SYNE2: variants seen among roughly 807,000 people sequenced by gnomAD.
SYNE2 encodes the protein nesprin-2.
SYNE2 carries 431 observed loss-of-function variants against 856.3 expected under a neutral mutation model. The observed-to-expected ratio is 0.50, with a 90% CI of 0.47 to 0.55. The LOEUF is 0.55. SYNE2 is among the 20% of genes least tolerant of loss of function. The pLI is 0.00. For missense variants in SYNE2, 8,129 were observed against 8,023.2 expected, an observed-to-expected ratio of 1.01 and a Z score of -0.50; for synonymous variants, 2,923 against 2,872.3, an observed-to-expected ratio of 1.02 and a Z score of -0.56.
In SYNE2 at chr14:64,170,452, A is replaced by G. The variant is rs752227568; in HGVS notation, c.17225A>G (p.His5742Arg). Residue 5742 changes from histidine (H) to arginine (R), a missense_variant, in exon 94 of 116, where the codon CAT becomes CGT. Coordinates refer to ENST00000555002, the MANE Select transcript of SYNE2 (RefSeq NM_182914.3). ...CTCTACCAAACCAGAAGTCTGATCCATGAGCTGAAGGTAGTGTATGCATCG... is the reference window on the plus strand; with the variant it reads ...CTCTACCAAACCAGAAGTCTGATCCGTGAGCTGAAGGTAGTGTATGCATCG... ...FSLYQTRSLI[H>R]ELKNKEIHFQ... The G allele has an allele frequency of 2.5e-6, 4 of 1,611,084 alleles. No individual in the cohort carries two copies. The East Asian group carries it at 6.7e-5, about 27-fold the overall frequency.
intron 11 of SYNE2, among the ~76,000 whole-genome samples, chr14:63,973,440 T>C (rs1209401350): frequency 6.6e-6 from 1 of 151,868 alleles, no homozygotes; most frequent in Non-Finnish European, 1.5e-5. Context: ...GAGACCAGCC[T>C]GGTCAACATG....
chr14:64,008,454 G>A (rs1056413985), intron 31 of SYNE2, among the ~76,000 whole-genome samples: 3 of 152,232 alleles, frequency 2.0e-5, no homozygotes, highest in African/African-American at 7.2e-5. Context: ...GTTTCCTGCA[G>A]AGTTGGGGCT....
rs183118239 is a variant in SYNE2, at chr14:64,042,116, A to C, written c.7222-5884A>C. 6.8e-3 allele frequency among the ~76,000 whole-genome samples: 1,030 copies of C among 152,320 alleles called. 10 individuals are homozygous for C. Among genetic ancestry groups the C allele is most frequent in the South Asian group, 0.012 (57 of 4,826 alleles). ...ATATTGTTTTCCACAGTAGTCTAAC[A>C]GATGAAAAATTCATTTTCATTCATT... On this transcript the variant is annotated intron_variant, in intron 45 of 115. Coordinates refer to ENST00000555002, the MANE Select transcript of SYNE2 (RefSeq NM_182914.3).
intron 70 of SYNE2, among the ~76,000 whole-genome samples, 165 bp from the exon 71 acceptor site, chr14:64,124,914 A>T (rs1175872625): frequency 6.6e-6 from 1 of 152,180 alleles, no homozygotes; most frequent in African/African-American, 2.4e-5. Flanking sequence ...GAGGTAGGAG[A>T]ATCTCTTGAA....
At chr14:64,106,175 CAGTCT>C (rs2097770550) in intron 64 of SYNE2, among the ~76,000 whole-genome samples, 1 of 140,470 alleles carries the variant, frequency 7.1e-6, no homozygotes, top group Non-Finnish European at 1.6e-5. Context: ...TTGATATTGT[CAGTCT>C]TAGCCAAACT....
At chr14:63,953,608 AT>A (rs1264516995) in intron 7 of SYNE2, among the ~76,000 whole-genome samples, 5 of 152,140 alleles carry the variant, frequency 3.3e-5, no homozygotes, top group Non-Finnish European at 7.3e-5. Flanking sequence ...ATAACTTAAA[AT>A]CTGCCACTTT....
rs1426475777 is a variant in SYNE2, at chr14:64,166,162, CTG to C, written c.16605+755_16605+756del. ...ATAACTTAGATCAGCAGTCAACAAA[CTG>C]TGGTGCACTGTCCATCACTGATTTT... On this transcript the variant is annotated intron_variant, in intron 90 of 115. Transcript: ENST00000555002. Among the ~76,000 whole-genome samples, 5 of 152,312 alleles carry C rather than the reference CTG, an allele frequency of 3.3e-5. No individual in the cohort carries two copies. The South Asian group carries it at 6.2e-4, about 19-fold the overall frequency.
At chr14:64,155,626 G>A (rs61987291) in intron 85 of SYNE2, among the ~76,000 whole-genome samples, 3,416 of 151,428 alleles carry the variant, frequency 0.023, 45 homozygotes, top group African/African-American at 0.038. Context: ...CCATCTATAA[G>A]CTGTCAAGAG....
At chr14:63,809,593 A>G (rs1888534060) in intron 1 of SYNE2, among the ~76,000 whole-genome samples, 1 of 152,084 alleles carries the variant, frequency 6.6e-6, no homozygotes, top group Non-Finnish European at 1.5e-5. Context: ...CCAGCACTCC[A>G]GGCTCCAGCG....
At chr14:64,022,662 G>T in intron 37 of SYNE2, 89 bp from the exon 38 acceptor site, 1 of 761,432 alleles carries the variant, frequency 1.3e-6, no homozygotes, top group South Asian at 1.5e-5. Flanking sequence ...TATATCTATG[G>T]CATGGGAAAC....
chr14:63,797,732 A>G (rs1464474168), intron 1 of SYNE2, among the ~76,000 whole-genome samples: 1 of 152,186 alleles, frequency 6.6e-6, no homozygotes, highest in Admixed American at 6.5e-5. Flanking sequence ...GTGAGCCACC[A>G]CGCCCAGCCA....
chr14:63,946,307 G>T (rs2096026070), intron 6 of SYNE2, among the ~76,000 whole-genome samples: 1 of 151,684 alleles, frequency 6.6e-6, no homozygotes, highest in Non-Finnish European at 1.5e-5. Flanking sequence ...ACCTGCCTGT[G>T]GTCCCAGCTT....
intron 80 of SYNE2, among the ~76,000 whole-genome samples, chr14:64,140,896 GTTTT>G (rs368961338): frequency 3.4e-5 from 5 of 146,888 alleles, no homozygotes; most frequent in African/African-American, 1.2e-4. Flanking sequence ...GACTTTTCCT[GTTTT>G]TTTTTTATTT....
chr14:64,042,696 C>T (rs773217648), intron 45 of SYNE2, among the ~76,000 whole-genome samples: 44 of 152,194 alleles, frequency 2.9e-4, no homozygotes, highest in Non-Finnish European at 5.9e-4. Flanking sequence ...TTTATTCCTC[C>T]TTGCCTTACA....
At chr14:63,777,168 G>A (rs1049796494) in intron 1 of SYNE2, among the ~76,000 whole-genome samples, 2 of 152,118 alleles carry the variant, frequency 1.3e-5, no homozygotes, top group Admixed American at 1.3e-4. Flanking sequence ...ATATTATGAG[G>A]CTTTTAATGA....
chr14:63,961,811 C>G (rs895431025), intron 9 of SYNE2, among the ~76,000 whole-genome samples, 186 bp downstream of exon 9: 1 of 151,966 alleles, frequency 6.6e-6, no homozygotes, highest in African/African-American at 2.4e-5. Flanking sequence ...CCACTGGGCA[C>G]CTTTTCTGTC....
intron 99 of SYNE2, chr14:64,202,240 C>T (rs1440316555): frequency 4.3e-6 from 3 of 702,378 alleles, no homozygotes; most frequent in Non-Finnish European, 7.8e-6. Context: ...ATGTATACGG[C>T]TGGGTGAACC....
At chr14:63,891,806 G>A (rs1375783318) in intron 1 of SYNE2, among the ~76,000 whole-genome samples, 2 of 152,022 alleles carry the variant, frequency 1.3e-5, no homozygotes, top group Non-Finnish European at 2.9e-5. Context: ...AATGGGTCCC[G>A]GCCAAGCAGC....
chr14:63,770,628 T>G (rs1886865204), intron 1 of SYNE2, among the ~76,000 whole-genome samples: 1 of 152,020 alleles, frequency 6.6e-6, no homozygotes, highest in African/African-American at 2.4e-5. Context: ...AGTGAGACAC[T>G]GTTTTTACCG....
Sources: allele counts gnomAD v4.1 joint callset (sites outside exome capture counted in the v4.1 genomes callset), GRCh38; gene constraint gnomAD v4.1.1; transcripts MANE v1.5; gene names NCBI Gene and HGNC (gene_info 2026-07-23, HGNC 2026-07-21).